LRMDA: variants seen among roughly 807,000 people sequenced by gnomAD.
LRMDA encodes leucine-rich melanocyte differentiation-associated protein.
In LRMDA, 18 loss-of-function variants were observed where a neutral mutation model predicts 29.8. The observed-to-expected ratio is 0.60, with a 90% CI of 0.42 to 0.90. LRMDA has a LOEUF of 0.90. LRMDA is among the 40% of genes least tolerant of loss of function. The pLI is 0.00. For synonymous variants in LRMDA, 125 were observed against 109.4 expected (o/e 1.14, Z -0.89); for missense variants, 273 against 273.9 (o/e 1.00, Z 0.02).
chr10:75,528,760 A>T (rs191505669), intron 2 of LRMDA, among the ~76,000 whole-genome samples: 2 of 152,362 alleles, frequency 1.3e-5, no homozygotes, highest in Admixed American at 1.3e-4. Flanking sequence ...AACAAGAAAG[A>T]AAGGAAGAAA....
chr10:75,633,375 C>CTT (rs1841352370), intron 2 of LRMDA, among the ~76,000 whole-genome samples: 1 of 152,204 alleles, frequency 6.6e-6, no homozygotes, highest in Non-Finnish European at 1.5e-5. Context: ...TAAACATCCT[C>CTT]TTTGATAGTG....
At chr10:76,318,919 TG>T (rs1840734107) in intron 5 of LRMDA, 1 of 152,218 alleles carries the variant, frequency 6.6e-6, no homozygotes. Flanking sequence ...GTTTTTTTTT[TG>T]TTTGTTTGAG....
intron 6 of LRMDA, among the ~76,000 whole-genome samples, chr10:76,444,719 G>A (rs998977258): frequency 1.3e-5 from 2 of 152,072 alleles, no homozygotes; most frequent in Admixed American, 1.3e-4. Flanking sequence ...CCAAGATGGT[G>A]AGTAATACTA....
chr10:76,139,559 G>A (rs536696749), intron 5 of LRMDA, among the ~76,000 whole-genome samples: 1 of 152,074 alleles, frequency 6.6e-6, no homozygotes, highest in African/African-American at 2.4e-5. Context: ...GCAATATGTT[G>A]CCATCTAACT....
chr10:75,631,261 C>T (rs2132112975), intron 2 of LRMDA, among the ~76,000 whole-genome samples: 2 of 152,284 alleles, frequency 1.3e-5, no homozygotes, highest in Non-Finnish European at 1.5e-5. Context: ...TCTACCTCCC[C>T]TGCTGCTCTA....
At chr10:75,889,605 G>A (rs1845449347) in intron 2 of LRMDA, among the ~76,000 whole-genome samples, 1 of 152,232 alleles carries the variant, frequency 6.6e-6, no homozygotes, top group East Asian at 1.9e-4. Context: ...GGGTGATTGT[G>A]CAATTGTGCC....
intron 2 of LRMDA, among the ~76,000 whole-genome samples, chr10:75,936,240 G>A (rs1286906043): frequency 6.6e-6 from 1 of 152,122 alleles, no homozygotes; most frequent in Admixed American, 6.5e-5. Context: ...GGATAGGGAG[G>A]GAGGTGACCT....
At chr10:75,593,073 C>G (rs1299225490) in intron 2 of LRMDA, among the ~76,000 whole-genome samples, 1 of 152,100 alleles carries the variant, frequency 6.6e-6, no homozygotes, top group Non-Finnish European at 1.5e-5. Flanking sequence ...AACACATTGT[C>G]AAAAAACGGA....
intron 5 of LRMDA, among the ~76,000 whole-genome samples, chr10:76,292,437 G>A (rs1382481706): frequency 1.3e-5 from 2 of 152,122 alleles, no homozygotes; most frequent in Non-Finnish European, 1.5e-5. Flanking sequence ...GTTGCTTCCA[G>A]TTCACAGGGT....
intron 2 of LRMDA, among the ~76,000 whole-genome samples, chr10:75,913,809 T>A (rs1429385456): frequency 6.6e-6 from 1 of 152,176 alleles, no homozygotes; most frequent in Non-Finnish European, 1.5e-5. Flanking sequence ...CAGGAGAACG[T>A]CCTGGAGCCC....
At chr10:75,728,429 TG>T (rs1842656174) in intron 2 of LRMDA, among the ~76,000 whole-genome samples, 2 of 48,508 alleles carry the variant, frequency 4.1e-5, no homozygotes, top group Admixed American at 2.9e-4. Flanking sequence ...CGTGGCTCTG[TG>T]TGTGTGTGTG....
intron 5 of LRMDA, among the ~76,000 whole-genome samples, chr10:76,222,881 G>A (rs1851872217): frequency 6.6e-6 from 1 of 151,444 alleles, no homozygotes; most frequent in African/African-American, 2.4e-5. Flanking sequence ...GTCCAACAAT[G>A]ATAGACTGGA....
At chr10:75,498,647 G>A (rs1403636114) in intron 2 of LRMDA, among the ~76,000 whole-genome samples, 3 of 152,094 alleles carry the variant, frequency 2.0e-5, no homozygotes, top group Non-Finnish European at 2.9e-5. Context: ...AAGGATTAAG[G>A]GATTGATTTA....
intron 6 of LRMDA, among the ~76,000 whole-genome samples, chr10:76,505,151 G>A (rs1380593608): frequency 2.0e-5 from 3 of 149,314 alleles, no homozygotes; most frequent in African/African-American, 7.4e-5. Context: ...CTTCTGCCTT[G>A]TAAGAATTCT....
intron 2 of LRMDA, among the ~76,000 whole-genome samples, chr10:75,820,798 C>T (rs1844144221): frequency 1.3e-5 from 2 of 152,024 alleles, no homozygotes; most frequent in Admixed American, 6.6e-5. Context: ...AAAGAAGAGT[C>T]ACATAAACAC....
intron 2 of LRMDA, among the ~76,000 whole-genome samples, chr10:75,784,600 G>A (rs558216919): frequency 1.3e-5 from 2 of 152,068 alleles, no homozygotes; most frequent in South Asian, 4.2e-4. Context: ...TTGGAAGGCT[G>A]AGGCAGGAGA....
In LRMDA at chr10:76,558,024, C is replaced by T. The variant is rs1256970440; in HGVS notation, c.*736C>T. Reference sequence around the variant, plus strand: ...TGACTACAAAAGCGTGGACTTTTATCTTGTTTCATTCAACTCTAAATCCAC... The same window carrying T: ...TGACTACAAAAGCGTGGACTTTTATTTTGTTTCATTCAACTCTAAATCCAC... On this transcript the variant is annotated 3_prime_UTR_variant, in exon 7 of 7. Coordinates refer to ENST00000611255, the MANE Select transcript of LRMDA (RefSeq NM_001305581.2). 6.6e-6 allele frequency: 1 copy of T among 152,200 alleles called. No homozygotes were observed. Among genetic ancestry groups the T allele is most frequent in the Non-Finnish European group, 1.5e-5 (1 of 68,054 alleles). 9.4% of individuals were successfully genotyped at this position (152,200 alleles called of 1,614,324 possible).
At chr10:75,602,208 A>T (rs1261380055) in intron 2 of LRMDA, among the ~76,000 whole-genome samples, 1 of 152,000 alleles carries the variant, frequency 6.6e-6, no homozygotes, top group Non-Finnish European at 1.5e-5. Flanking sequence ...AAATATTCCA[A>T]ATGATGCACC....
intron 5 of LRMDA, among the ~76,000 whole-genome samples, chr10:76,123,045 T>C (rs1310229492): frequency 6.6e-6 from 1 of 152,132 alleles, no homozygotes; most frequent in Non-Finnish European, 1.5e-5. Context: ...TCTCCTCATG[T>C]TTGGCATGCA....
Sources: allele counts gnomAD v4.1 joint callset (sites outside exome capture counted in the v4.1 genomes callset), GRCh38; gene constraint gnomAD v4.1.1; transcripts MANE v1.5; gene names NCBI Gene and HGNC (gene_info 2026-07-23, HGNC 2026-07-21).